SEMA5A: variants seen among roughly 807,000 people sequenced by gnomAD.
The protein encoded by SEMA5A is semaphorin 5A.
In SEMA5A, 55 loss-of-function variants were observed where a neutral mutation model predicts 135.5. The ratio of observed to expected loss-of-function variants is 0.41; its 90% CI spans 0.33 to 0.51. The LOEUF is 0.51. Among genes scored for constraint, SEMA5A ranks in the 20% least tolerant of loss-of-function variants. The probability of loss-of-function intolerance (pLI) is 0.37; values close to 1 mark genes in which losing one functional copy is unlikely to be tolerated. For synonymous variants in SEMA5A, 580 were observed against 546.5 expected, an observed-to-expected ratio of 1.06 and a Z score of -0.85; for missense variants, 1,290 against 1,419.9, an observed-to-expected ratio of 0.91 and a Z score of 1.47.
intron 12 of SEMA5A, among the ~76,000 whole-genome samples, chr5:9,139,403 C>T (rs1741941544): frequency 6.6e-6 from 1 of 152,122 alleles, no homozygotes; most frequent in African/African-American, 2.4e-5. Flanking sequence ...TGGATGTTAC[C>T]ATATTTTTTA....
intron 16 of SEMA5A, among the ~76,000 whole-genome samples, chr5:9,071,427 A>G (rs559169230): frequency 6.6e-6 from 1 of 152,296 alleles, no homozygotes; most frequent in East Asian, 1.9e-4. Context: ...TAGACTGCAA[A>G]TTTGTCAAAA....
chr5:9,456,187 G>A (rs1579570349), intron 1 of SEMA5A, among the ~76,000 whole-genome samples: 4 of 152,240 alleles, frequency 2.6e-5, no homozygotes, highest in Admixed American at 2.6e-4. Context: ...TCATCTGTCA[G>A]TGTGGCTTGA....
chr5:9,278,199 G>C (rs1579773776), intron 5 of SEMA5A, among the ~76,000 whole-genome samples: 1 of 151,970 alleles, frequency 6.6e-6, no homozygotes, highest in East Asian at 1.9e-4. Context: ...GGCAACCCTT[G>C]CTATGCTTAA....
chr5:9,405,566 T>C (rs913556756), intron 2 of SEMA5A, among the ~76,000 whole-genome samples: 1 of 152,112 alleles, frequency 6.6e-6, no homozygotes, highest in African/African-American at 2.4e-5. Flanking sequence ...AGAAAAGTCT[T>C]GGCAAAGTAA....
rs375834134 is a variant in SEMA5A at position 9,120,559 on chromosome 5, T to C, written c.1782-1418A>G. 4.0e-4 allele frequency among the ~76,000 whole-genome samples: 61 copies of C among 152,238 alleles called. No individual in the cohort carries two copies. In the Middle Eastern group the frequency reaches 0.01, roughly 25 times the overall value. Reference sequence around the variant, plus strand: ...CTTCCCACATTTCTTATAAAGATAATCAGCTAGTATCTTATACCCTGCTAC... The same window carrying C: ...CTTCCCACATTTCTTATAAAGATAACCAGCTAGTATCTTATACCCTGCTAC... On this transcript the variant is annotated intron_variant, in intron 14 of 22. Coordinates refer to ENST00000382496, the MANE Select transcript of SEMA5A (RefSeq NM_003966.3).
At chr5:9,115,451 C>T (rs1318159631) in intron 15 of SEMA5A, among the ~76,000 whole-genome samples, 1 of 152,238 alleles carries the variant, frequency 6.6e-6, no homozygotes, top group Non-Finnish European at 1.5e-5. Context: ...ATTTCCATCA[C>T]TCCACCCACC....
At chr5:9,525,771 C>A (rs567827472) in intron 1 of SEMA5A, among the ~76,000 whole-genome samples, 1 of 152,316 alleles carries the variant, frequency 6.6e-6, no homozygotes, top group South Asian at 2.1e-4. Context: ...ATTCTTTGAA[C>A]ACCAGACTGA....
chr5:9,181,556 G>T (rs550409544), intron 11 of SEMA5A, among the ~76,000 whole-genome samples: 18 of 152,070 alleles, frequency 1.2e-4, no homozygotes, highest in African/African-American at 4.1e-4. Flanking sequence ...ACCCTCTCTT[G>T]GTTCCCTTTG....
intron 1 of SEMA5A, among the ~76,000 whole-genome samples, chr5:9,522,035 A>C (rs916736223): frequency 2.3e-4 from 35 of 152,112 alleles, no homozygotes; most frequent in Admixed American, 2.2e-3. Context: ...AGGGTCTCAG[A>C]CAGCCTCCCC....
intron 1 of SEMA5A, 140 bp from the exon 2 acceptor site, chr5:9,437,992 A>G (rs985611922): frequency 2.0e-5 from 3 of 152,246 alleles, no homozygotes; most frequent in Non-Finnish European, 2.9e-5. Context: ...TAAAGCAGTG[A>G]CGCAGGCCAG....
chr5:9,305,650 A>G (rs1303036457), intron 5 of SEMA5A, among the ~76,000 whole-genome samples: 1 of 151,262 alleles, frequency 6.6e-6, no homozygotes, highest in African/African-American at 2.4e-5. Flanking sequence ...GAGAAACACC[A>G]ACACCGGGGA....
At chr5:9,225,711 T>C (rs1464349900) in intron 7 of SEMA5A, among the ~76,000 whole-genome samples, 1 of 151,982 alleles carries the variant, frequency 6.6e-6, no homozygotes. Flanking sequence ...ACTTTCTTTC[T>C]TTTTTTTCAG....
At chr5:9,264,516 T>C (rs1749577349) in intron 5 of SEMA5A, among the ~76,000 whole-genome samples, 2 of 152,174 alleles carry the variant, frequency 1.3e-5, no homozygotes, top group African/African-American at 4.8e-5. Context: ...GGAATGATTT[T>C]ACAAAGAAAT....
At chr5:9,169,531 G>A (rs949742774) in intron 11 of SEMA5A, among the ~76,000 whole-genome samples, 1 of 152,214 alleles carries the variant, frequency 6.6e-6, no homozygotes, top group Admixed American at 6.5e-5. Flanking sequence ...GAGCAGAACT[G>A]TGTAATGTTC....
chr5:9,449,835 C>T (rs1348799637), intron 1 of SEMA5A, among the ~76,000 whole-genome samples: 1 of 152,164 alleles, frequency 6.6e-6, no homozygotes, highest in African/African-American at 2.4e-5. Context: ...CCCTTTCTTA[C>T]AAGTTGCTAG....
At chr5:9,141,309 G>A (rs147674969) in intron 12 of SEMA5A, among the ~76,000 whole-genome samples, 2 of 152,066 alleles carry the variant, frequency 1.3e-5, no homozygotes, top group Non-Finnish European at 2.9e-5. Flanking sequence ...CTTTGAAAAT[G>A]TTTTTCCTTG....
At chr5:9,407,761 A>G (rs1423753377) in intron 2 of SEMA5A, among the ~76,000 whole-genome samples, 1 of 152,186 alleles carries the variant, frequency 6.6e-6, no homozygotes. Context: ...GCCATTCCTT[A>G]TCAGTTGATG....
chr5:9,259,652 T>C (rs1236269634), intron 5 of SEMA5A, among the ~76,000 whole-genome samples: 1 of 151,472 alleles, frequency 6.6e-6, no homozygotes. Flanking sequence ...ACTGGGTACA[T>C]AACGAAATGA....
chr5:9,079,299 T>C (rs1436810369), intron 16 of SEMA5A, among the ~76,000 whole-genome samples: 1 of 152,108 alleles, frequency 6.6e-6, no homozygotes, highest in Non-Finnish European at 1.5e-5. Context: ...AACAACCTGC[T>C]CTTGAATGAC....
Sources: gnomAD v4.1 joint callset for allele counts (sites outside exome capture counted in the v4.1 genomes callset) on GRCh38, gnomAD v4.1.1 for gene constraint, MANE v1.5 for transcripts, NCBI Gene and HGNC (gene_info 2026-07-23, HGNC 2026-07-21) for gene names.